MALT1: variants seen among roughly 807,000 people sequenced by gnomAD.
The protein encoded by MALT1 is MALT1 paracaspase.
A neutral mutation model predicts 85.5 loss-of-function variants in MALT1; 36 were observed. That is an observed-to-expected ratio of 0.42 (90% CI 0.32 to 0.56). MALT1 has a LOEUF of 0.56. Ranked by LOEUF, MALT1 falls within the 20% of genes least tolerant of loss-of-function variation. MALT1 has a pLI of 0.10. For synonymous variants in MALT1, 359 were observed against 361.3 expected (o/e 0.99, Z 0.07); for missense variants, 716 against 981.6 (o/e 0.73, Z 3.62).
At chr18:58,723,317 A>G in intron 10 of MALT1, 66 bp downstream of exon 10, 3 of 1,257,354 alleles carry the variant, frequency 2.4e-6, no homozygotes, top group South Asian at 2.7e-5. Flanking sequence ...AAGTTAGGTT[A>G]AGAATTGAAA....
At position 58,733,389 on chromosome 18, in the gene MALT1, C is replaced by A; in HGVS notation, c.1223-8C>A. ...CATCTATCTCTCTCTTATTTTTCCT[C>A]TTTTCAGGGTTATTATATTATGCAG... On this transcript the variant is annotated splice_polypyrimidine_tract_variant and splice_region_variant and intron_variant, in intron 10 of 16. Transcript: ENST00000649217. The A allele has an allele frequency of 6.3e-7, 1 of 1,579,234 alleles. No individual in the cohort carries two copies. Among genetic ancestry groups the A allele is most frequent in the South Asian group, 1.2e-5 (1 of 85,624 alleles).
At chr18:58,721,336 T>C (rs140235750) in intron 9 of MALT1, among the ~76,000 whole-genome samples, 8,400 of 152,216 alleles carry the variant, frequency 0.055, 242 homozygotes, top group East Asian at 0.071. Context: ...GCTGAGATCA[T>C]GCCATTGCAC....
intron 4 of MALT1, among the ~76,000 whole-genome samples, chr18:58,708,057 C>T (rs1391213016): frequency 6.6e-6 from 1 of 152,158 alleles, no homozygotes; most frequent in Non-Finnish European, 1.5e-5. Context: ...CTGAGACCCC[C>T]CTGCCTAGCT....
At chr18:58,723,342 AGGT>A (rs2055010283) in intron 10 of MALT1, 91 bp downstream of exon 10, 1 of 904,148 alleles carries the variant, frequency 1.1e-6, no homozygotes, top group Non-Finnish European at 1.7e-6. Flanking sequence ...GATAAAGATA[AGGT>A]AAACATGTTG....
Position 58,700,610 on chromosome 18 carries a change from T to A in MALT1, c.649+19T>A. On this transcript the variant is annotated intron_variant, in intron 4 of 16. Transcript: ENST00000649217. ...TTCCAGAGTAAGTAACGAAAGAAGC[T>A]GAATGTTGGGATGGGGATTCCCCAT... is the stretch of plus-strand genomic sequence containing the variant. The A allele has an allele frequency of 6.4e-7, 1 of 1,572,552 alleles. No individual in the cohort carries two copies. Among genetic ancestry groups the A allele is most frequent in the South Asian group, 1.2e-5 (1 of 83,106 alleles).
At chr18:58,712,880 T>G (rs576307484) in intron 7 of MALT1, among the ~76,000 whole-genome samples, 1 of 152,264 alleles carries the variant, frequency 6.6e-6, no homozygotes, top group Admixed American at 6.5e-5. Context: ...TTTAGGGCAG[T>G]GGAACTATTC....
chr18:58,724,242 T>C (rs76966992), intron 10 of MALT1, among the ~76,000 whole-genome samples: 8,395 of 152,148 alleles, frequency 0.055, 370 homozygotes, highest in East Asian at 0.22. Context: ...GCTTTTTTTT[T>C]CCCCCCAAGA....
Position 58,676,912 on chromosome 18 carries a change from C to T in MALT1, c.210-4258C>T, listed in dbSNP as rs550195201. 6.6e-5 allele frequency among the ~76,000 whole-genome samples: 10 copies of T among 152,210 alleles called. No homozygotes were observed. In the South Asian group the frequency reaches 2.1e-3, roughly 32 times the overall value. On this transcript the variant is annotated intron_variant, in intron 1 of 16. Coordinates refer to ENST00000649217, the MANE Select transcript of MALT1 (RefSeq NM_006785.4). The stretch of plus-strand genomic sequence containing the variant: ...GAGGAGAAGCAGAAGAACCTAAAAA[C>T]AGCATTATGGTTTGTCCCCTAAAGG...
intron 13 of MALT1, among the ~76,000 whole-genome samples, chr18:58,739,971 T>C (rs927466235): frequency 6.6e-6 from 1 of 152,362 alleles, no homozygotes; most frequent in Admixed American, 6.5e-5. Context: ...AGAACTTGCC[T>C]ATAAACCAAC....
intron 1 of MALT1, chr18:58,675,564 A>G (rs1207010026): frequency 1.3e-5 from 2 of 152,228 alleles, no homozygotes; most frequent in African/African-American, 4.8e-5. Context: ...GTGAGCCTCA[A>G]CAATTATTAT....
chr18:58,752,997 T>G lies in MALT1; in HGVS notation c.*5155T>G, dbSNP rs959654428. ...TCAAAGAGCGTTAACTTGCCTGTGC[T>G]TCTGTTTCCTTATCTGTAAAATGGG... is the stretch of plus-strand genomic sequence containing the variant. On this transcript the variant is annotated 3_prime_UTR_variant, in exon 17 of 17. Transcript: ENST00000649217. 1.4e-5 allele frequency: 2 copies of G among 147,452 alleles called. No homozygotes were observed. Among genetic ancestry groups the G allele is most frequent in the Non-Finnish European group, 3.0e-5 (2 of 67,750 alleles). 9.1% of individuals were successfully genotyped at this position (147,452 alleles called of 1,614,324 possible). A position where few individuals can be genotyped will look rare whatever the true frequency, so the allele number is the denominator to read the frequency against.
At chr18:58,742,545 A>G (rs1042516684) in intron 14 of MALT1, among the ~76,000 whole-genome samples, 2 of 152,170 alleles carry the variant, frequency 1.3e-5, no homozygotes, top group Admixed American at 1.3e-4. Context: ...CGTCTCTACT[A>G]AAAATACAAA....
intron 1 of MALT1, among the ~76,000 whole-genome samples, chr18:58,676,819 G>A (rs1168874678): frequency 6.6e-6 from 1 of 152,156 alleles, no homozygotes; most frequent in Non-Finnish European, 1.5e-5. Context: ...AAAAACAGTG[G>A]CCTATTTTAG....
intron 1 of MALT1, among the ~76,000 whole-genome samples, chr18:58,677,265 T>C (rs1428835248): frequency 6.7e-6 from 1 of 150,264 alleles, no homozygotes; most frequent in Non-Finnish European, 1.5e-5. Context: ...TGTACTTCAA[T>C]TTGATCTTTG....
intron 2 of MALT1, among the ~76,000 whole-genome samples, chr18:58,688,444 T>C (rs2054440726): frequency 6.7e-6 from 1 of 149,158 alleles, no homozygotes; most frequent in South Asian, 2.1e-4. Flanking sequence ...TCCCAACACT[T>C]TGGGAGGCTA....
At chr18:58,675,519 G>T (rs904177164) in intron 1 of MALT1, 1 of 152,208 alleles carries the variant, frequency 6.6e-6, no homozygotes, top group East Asian at 1.9e-4. Context: ...GCAGGCTGAG[G>T]TGGGATTGCT....
intron 4 of MALT1, among the ~76,000 whole-genome samples, chr18:58,707,884 T>C (rs2054776356): frequency 6.6e-6 from 1 of 152,238 alleles, no homozygotes. Flanking sequence ...TTGGCAGGAC[T>C]GAAATTGACA....
chr18:58,680,571 C>T (rs2054305101), intron 1 of MALT1, among the ~76,000 whole-genome samples: 1 of 152,078 alleles, frequency 6.6e-6, no homozygotes, highest in Non-Finnish European at 1.5e-5. Context: ...TTCCTATTCC[C>T]CATTCCTAAA....
intron 10 of MALT1, among the ~76,000 whole-genome samples, chr18:58,732,006 G>T (rs1347501582): frequency 6.6e-6 from 1 of 152,122 alleles, no homozygotes; most frequent in African/African-American, 2.4e-5. Context: ...TTCAGAAAAA[G>T]CAGACGACCT....
Sources: gnomAD v4.1 joint callset for allele counts (sites outside exome capture counted in the v4.1 genomes callset) on GRCh38, gnomAD v4.1.1 for gene constraint, MANE v1.5 for transcripts, NCBI Gene and HGNC (gene_info 2026-07-23, HGNC 2026-07-21) for gene names.